Variants in RNF175 observed in about 807,000 individuals in gnomAD.
The protein encoded by RNF175 is ring finger protein 175.
In RNF175, 38 loss-of-function variants were observed where a neutral mutation model predicts 50.0. The observed-to-expected ratio is 0.76, with a 90% CI of 0.59 to 1.00. The LOEUF (loss-of-function observed/expected upper bound fraction) is 1.00, where lower values mean the gene tolerates loss of function less well. Among genes scored for constraint, RNF175 ranks in the 50% least tolerant of loss-of-function variants. The pLI, the probability that RNF175 is intolerant of heterozygous loss-of-function variation, is 0.00. For synonymous variants in RNF175, 155 were observed against 146.1 expected (o/e 1.06, Z -0.44); for missense variants, 388 against 409.6 (o/e 0.95, Z 0.46).
chr4:153,718,109 G>A (rs1030072633), intron 6 of RNF175, among the ~76,000 whole-genome samples: 1 of 152,024 alleles, frequency 6.6e-6, no homozygotes, highest in Admixed American at 6.6e-5. Context: ...AGTCATACAG[G>A]ATGGAGTCTT....
rs1034624719 is a variant in RNF175, at chr4:153,715,989, G to A, written c.631-327C>T. On this transcript the variant is annotated intron_variant, in intron 6 of 8. Transcript: ENST00000347063. ...TGAGGCAGGAGAATCGGTTGAACCC[G>A]GGAGGTGGAGGTTGCAGTGAGCTGA... Among the ~76,000 whole-genome samples the A allele has an allele frequency of 6.7e-5, 10 of 149,358 alleles. No homozygotes were observed. The East Asian group carries it at 8.0e-4, about 12-fold the overall frequency.
chr4:153,720,660 A>C (rs1243685811), intron 5 of RNF175: 2 of 200,248 alleles, frequency 1.0e-5, no homozygotes, highest in East Asian at 2.2e-4. Flanking sequence ...AGGTAACTCC[A>C]ATGGGCAGCT....
intron 3 of RNF175, among the ~76,000 whole-genome samples, chr4:153,738,467 G>A (rs1739469409): frequency 6.6e-6 from 1 of 151,894 alleles, no homozygotes; most frequent in African/African-American, 2.4e-5. Context: ...TTACAGGCAT[G>A]AGCCACTGTG....
chr4:153,747,511 C>G (rs1355667215), intron 3 of RNF175, among the ~76,000 whole-genome samples: 1 of 152,224 alleles, frequency 6.6e-6, no homozygotes, highest in Non-Finnish European at 1.5e-5. Context: ...GTTACTCCAG[C>G]TTCCGATACC....
chr4:153,720,128 T>G (rs1738237557), intron 6 of RNF175, 56 bp downstream of exon 6: 1 of 1,579,602 alleles, frequency 6.3e-7, no homozygotes. Context: ...ACATGTAAGA[T>G]GAGACCATTT....
At chr4:153,755,383 CA>C (rs1740508876) in intron 1 of RNF175, among the ~76,000 whole-genome samples, 1 of 152,212 alleles carries the variant, frequency 6.6e-6, no homozygotes, top group Non-Finnish European at 1.5e-5. Context: ...TGTCTCACCT[CA>C]GACACAAGTG....
At chr4:153,741,820 G>A (rs1437974785) in intron 3 of RNF175, among the ~76,000 whole-genome samples, 2 of 152,112 alleles carry the variant, frequency 1.3e-5, no homozygotes, top group African/African-American at 4.8e-5. Flanking sequence ...CCACTTCTAA[G>A]CCAGTACTCT....
chr4:153,737,244 T>C (rs895767820), intron 3 of RNF175, among the ~76,000 whole-genome samples: 5 of 152,142 alleles, frequency 3.3e-5, no homozygotes, highest in Non-Finnish European at 5.9e-5. Context: ...GATTTATTGA[T>C]CTTTTCAAAG....
intron 1 of RNF175, among the ~76,000 whole-genome samples, chr4:153,759,489 G>A (rs1579115886): frequency 6.6e-6 from 1 of 152,212 alleles, no homozygotes; most frequent in African/African-American, 2.4e-5. Flanking sequence ...AGTGGAAGGG[G>A]TGAGCCTGGA....
chr4:153,722,968 C>G (rs368650898), intron 5 of RNF175, among the ~76,000 whole-genome samples: 1 of 152,012 alleles, frequency 6.6e-6, no homozygotes, highest in African/African-American at 2.4e-5. Context: ...CTATACTGGA[C>G]AACATAATTC....
rs148016713 is a variant in RNF175 at position 153,722,225 on chromosome 4, C to T, written c.509+1126G>A. On this transcript the variant is annotated intron_variant, in intron 5 of 8. Transcript: ENST00000347063. ...CACAGGCTGGTTACTCAGCCTCAGT[C>T]GTGTCCCTGAGAATGCCATCCACAG... 5.4e-3 allele frequency among the ~76,000 whole-genome samples: 827 copies of T among 152,290 alleles called. 10 individuals are homozygous for T. The highest frequency in any genetic ancestry group is 0.017 in the African/African-American group (721 of 41,558).
intron 7 of RNF175, chr4:153,713,421 T>C (rs1737719484): frequency 6.6e-6 from 1 of 152,256 alleles, no homozygotes; most frequent in South Asian, 2.1e-4. Context: ...CTTTCAAAAC[T>C]GATTATTTTT....
At position 153,726,113 on chromosome 4, in the gene RNF175, G is replaced by A. The variant is rs1232560743; in HGVS notation, c.401+2094C>T. On this transcript the variant is annotated intron_variant, in intron 4 of 8. Transcript: ENST00000347063. ...TGTGTGTGTGTTTTGTTTTTGTTTT[G>A]TTTTGTTTTTGAGGTGGAGTCTTGC... Among the ~76,000 whole-genome samples, 3 of 151,562 alleles carry A rather than the reference G, an allele frequency of 2.0e-5. No individual in the cohort carries two copies. In the East Asian group the frequency reaches 5.8e-4, roughly 29 times the overall value.
chr4:153,757,043 C>G (rs891377268), intron 1 of RNF175, among the ~76,000 whole-genome samples: 2 of 152,168 alleles, frequency 1.3e-5, no homozygotes, highest in Non-Finnish European at 2.9e-5. Context: ...TCAGCCTCCC[C>G]TCTCTCCACT....
chr4:153,757,251 G>C (rs1371783369), intron 1 of RNF175, among the ~76,000 whole-genome samples: 1 of 152,182 alleles, frequency 6.6e-6, no homozygotes, highest in African/African-American at 2.4e-5. Context: ...CATTGTTGAT[G>C]ACTTATTTAC....
intron 3 of RNF175, among the ~76,000 whole-genome samples, chr4:153,743,247 G>T (rs1378494391): frequency 2.0e-5 from 3 of 152,180 alleles, no homozygotes; most frequent in Non-Finnish European, 2.9e-5. Flanking sequence ...TGAAATGGCT[G>T]TGCTCTGATG....
chr4:153,753,848 T>C (rs993875269), intron 1 of RNF175, among the ~76,000 whole-genome samples: 4 of 150,998 alleles, frequency 2.6e-5, no homozygotes, highest in African/African-American at 9.7e-5. Context: ...CGTGAGCCAC[T>C]GTGCCTGGTG....
intron 3 of RNF175, among the ~76,000 whole-genome samples, chr4:153,729,415 G>A (rs983104331): frequency 2.4e-4 from 37 of 152,272 alleles, no homozygotes; most frequent in African/African-American, 6.5e-4. Context: ...CTTGCTTATC[G>A]CATATTCATC....
chr4:153,759,148 A>T (rs1740701282), intron 1 of RNF175, among the ~76,000 whole-genome samples: 1 of 152,204 alleles, frequency 6.6e-6, no homozygotes, highest in Non-Finnish European at 1.5e-5. Context: ...GCCTAAGAAG[A>T]ATTGTCCTAT....
Sources: gnomAD v4.1 joint callset for allele counts (sites outside exome capture counted in the v4.1 genomes callset) on GRCh38, gnomAD v4.1.1 for gene constraint, MANE v1.5 for transcripts, NCBI Gene and HGNC (gene_info 2026-07-23, HGNC 2026-07-21) for gene names.